Variants in FGGY observed in about 807,000 individuals in gnomAD.
FGGY encodes the protein FGGY carbohydrate kinase domain containing.
FGGY carries 72 observed loss-of-function variants against 71.3 expected under a neutral mutation model. That is an observed-to-expected ratio of 1.01 (90% CI 0.84 to 1.23). FGGY has a LOEUF of 1.23. Among genes scored for constraint, FGGY ranks in the 50% most tolerant of loss-of-function variants. The pLI is 0.00. For synonymous variants in FGGY, 251 were observed against 250.3 expected, an observed-to-expected ratio of 1.00 and a Z score of -0.02; for missense variants, 668 against 682.3, an observed-to-expected ratio of 0.98 and a Z score of 0.23.
intron 7 of FGGY, among the ~76,000 whole-genome samples, chr1:59,521,805 T>A (rs1366497697): frequency 1.3e-5 from 2 of 152,166 alleles, no homozygotes; most frequent in Non-Finnish European, 2.9e-5. Context: ...AGGGAATGAC[T>A]CCTGATTTGT....
rs372011385 is a variant in FGGY at position 59,594,980 on chromosome 1, C to T, written c.904-12823C>T. On this transcript the variant is annotated intron_variant, in intron 8 of 15. Transcript: ENST00000303721. ...GCCCCTCTCTGTAAACACACAAGAA[C>T]AGCTAAAATGTCTGGAAAGGGGAAG... Among the ~76,000 whole-genome samples, 5 of 152,304 alleles carry T rather than the reference C, an allele frequency of 3.3e-5. No homozygotes were observed. The East Asian group carries it at 9.7e-4, about 29-fold the overall frequency.
chr1:59,488,796 T>C (rs2093734920), intron 6 of FGGY, among the ~76,000 whole-genome samples: 1 of 151,970 alleles, frequency 6.6e-6, no homozygotes, highest in South Asian at 2.1e-4. Context: ...TTTATGTTAT[T>C]CCTTAGGATG....
At chr1:59,662,770 T>TA (rs1024921691) in intron 12 of FGGY, among the ~76,000 whole-genome samples, 2 of 152,216 alleles carry the variant, frequency 1.3e-5, no homozygotes, top group East Asian at 1.9e-4. Context: ...ATAGCCTAGG[T>TA]ATGTAGTAGG....
At chr1:59,688,083 G>T (rs2097559469) in intron 14 of FGGY, among the ~76,000 whole-genome samples, 1 of 152,260 alleles carries the variant, frequency 6.6e-6, no homozygotes, top group African/African-American at 2.4e-5. Flanking sequence ...GCTGAGTTTG[G>T]CATTGAGGCC....
chr1:59,446,731 CCA>C (rs1351161808), intron 5 of FGGY, among the ~76,000 whole-genome samples: 3 of 152,252 alleles, frequency 2.0e-5, no homozygotes, highest in Admixed American at 1.3e-4. Flanking sequence ...TAATTTATCC[CCA>C]CTCTCAGCTC....
chr1:59,745,651 T>C (rs1247462456), intron 14 of FGGY, among the ~76,000 whole-genome samples: 1 of 152,242 alleles, frequency 6.6e-6, no homozygotes, highest in Non-Finnish European at 1.5e-5. Context: ...AAGTGAAGCA[T>C]ATCCTGGCTA....
rs369821668 is a variant in FGGY at position 59,660,224 on chromosome 1, C to T, written c.1227C>T (p.Thr409=). 9.8e-5 allele frequency: 158 copies of T among 1,613,226 alleles called. No individual in the cohort carries two copies. The highest frequency in any genetic ancestry group is 1.1e-4 in the Non-Finnish European group (131 of 1,179,884). ...TCTTCCCTTCATGCCTGCAGGTCACCGGATTGAAACTGTCTCAGGACCTTG... is the reference window on the plus strand; with the variant it reads ...TCTTCCCTTCATGCCTGCAGGTCACTGGATTGAAACTGTCTCAGGACCTTG... ...LADLTLKGMV[T]GLKLSQDLDD... is the part of the protein sequence containing the mutation. The change falls in exon 12 of 16, where the codon ACC becomes ACT. Residue 409 remains threonine (T), a synonymous_variant. Transcript: ENST00000303721.
chr1:59,594,517 T>G (rs1221785597), intron 8 of FGGY, among the ~76,000 whole-genome samples: 5 of 152,150 alleles, frequency 3.3e-5, no homozygotes. Flanking sequence ...ACCCCAACAC[T>G]GCTTCTTCCT....
At chr1:59,403,158 G>T (rs951410261) in intron 5 of FGGY, among the ~76,000 whole-genome samples, 3 of 152,124 alleles carry the variant, frequency 2.0e-5, no homozygotes, top group Non-Finnish European at 4.4e-5. Flanking sequence ...CCAGTGTGCT[G>T]GATGCTTCTG....
At chr1:59,666,728 C>A (rs2097329489) in intron 12 of FGGY, among the ~76,000 whole-genome samples, 1 of 152,186 alleles carries the variant, frequency 6.6e-6, no homozygotes, top group South Asian at 2.1e-4. Flanking sequence ...CAGGCAATAG[C>A]AGCGGTAATT....
chr1:59,523,387 C>G (rs1188990877), intron 7 of FGGY, among the ~76,000 whole-genome samples: 1 of 152,240 alleles, frequency 6.6e-6, no homozygotes, highest in East Asian at 1.9e-4. Flanking sequence ...GTTATTGCCC[C>G]AAGGCGGCAG....
chr1:59,362,200 C>T (rs201989814), intron 4 of FGGY, among the ~76,000 whole-genome samples: 1 of 151,750 alleles, frequency 6.6e-6, no homozygotes, highest in East Asian at 1.9e-4. Context: ...TCTTCTTTCT[C>T]CTATTTAATT....
intron 1 of FGGY, among the ~76,000 whole-genome samples, chr1:59,312,190 C>T (rs945989762): frequency 6.6e-6 from 1 of 152,144 alleles, no homozygotes; most frequent in Non-Finnish European, 1.5e-5. Context: ...AATTTTCTCC[C>T]GTTCTGTAAG....
At chr1:59,393,816 A>G (rs1275762425) in intron 5 of FGGY, among the ~76,000 whole-genome samples, 2 of 152,126 alleles carry the variant, frequency 1.3e-5, no homozygotes, top group Non-Finnish European at 2.9e-5. Context: ...AATTTCATGT[A>G]ATAAAACTTA....
chr1:59,388,901 A>T (rs2060385369), intron 5 of FGGY, among the ~76,000 whole-genome samples: 2 of 152,152 alleles, frequency 1.3e-5, no homozygotes, highest in Admixed American at 6.6e-5. Context: ...TATCACCCCA[A>T]ACGGAAGCTG....
In FGGY at chr1:59,459,158, T is replaced by C. The variant is rs563447824; in HGVS notation, c.670+2082T>C. On this transcript the variant is annotated intron_variant, in intron 6 of 15. Coordinates refer to ENST00000303721, the MANE Select transcript of FGGY (RefSeq NM_018291.5). ...GGGCCCATGCAGTAAATAAATGCTT[T>C]CCCTGAAAACTGAACACCTCAGCAA... 1.6e-3 allele frequency among the ~76,000 whole-genome samples: 248 copies of C among 152,304 alleles called. 1 individual carries two copies. The highest frequency in any genetic ancestry group is 3.1e-3 in the South Asian group (15 of 4,820).
intron 7 of FGGY, among the ~76,000 whole-genome samples, chr1:59,540,772 C>G (rs77783576): frequency 0.011 from 1,648 of 152,172 alleles, 18 homozygotes; most frequent in Middle Eastern, 0.041. Context: ...CTCTGAAGAA[C>G]GGAGAGGAGG....
At chr1:59,391,498 T>C (rs1013840423) in intron 5 of FGGY, among the ~76,000 whole-genome samples, 1 of 152,176 alleles carries the variant, frequency 6.6e-6, no homozygotes, top group Non-Finnish European at 1.5e-5. Flanking sequence ...TGAGGCAAAG[T>C]CTGAGGAAGG....
chr1:59,547,480 T>A (rs2095544592), intron 7 of FGGY, among the ~76,000 whole-genome samples: 1 of 152,154 alleles, frequency 6.6e-6, no homozygotes, highest in Admixed American at 6.5e-5. Flanking sequence ...TAGATCTGGG[T>A]GTGATATAGT....
Sources: allele counts gnomAD v4.1 joint callset (sites outside exome capture counted in the v4.1 genomes callset), GRCh38; gene constraint gnomAD v4.1.1; transcripts MANE v1.5; gene names NCBI Gene and HGNC (gene_info 2026-07-23, HGNC 2026-07-21).